Variants in LCORL observed in about 807,000 individuals in gnomAD.
LCORL encodes the protein ligand-dependent nuclear receptor corepressor-like protein.
In LCORL, 41 loss-of-function variants were observed where a neutral mutation model predicts 141.8. The ratio of observed to expected loss-of-function variants is 0.29; its 90% CI spans 0.23 to 0.38. LCORL has a LOEUF of 0.38. LCORL is among the 10% of genes least tolerant of loss of function. LCORL has a pLI of 1.00. For synonymous variants in LCORL, 618 were observed against 694.1 expected, an observed-to-expected ratio of 0.89 and a Z score of 1.72; for missense variants, 1,759 against 2,035.0, an observed-to-expected ratio of 0.86 and a Z score of 2.61.
intron 4 of LCORL, among the ~76,000 whole-genome samples, chr4:17,932,851 C>T (rs1296202368): frequency 6.6e-6 from 1 of 152,200 alleles, no homozygotes; most frequent in Non-Finnish European, 1.5e-5. Context: ...TTGCTGACTA[C>T]AGCTCCAGTA....
At position 17,931,226 on chromosome 4, in the gene LCORL, A is replaced by G. The variant is rs192841930; in HGVS notation, c.431-21881T>C. Among the ~76,000 whole-genome samples the G allele has an allele frequency of 8.5e-4, 129 of 152,142 alleles. 1 individual carries two copies. The East Asian group carries it at 0.023, about 27-fold the overall frequency. ...CCTCCTCCCACCTCTACCACCACCA[A>G]TTAGGTTAACTAGTGGTCTATTTTG... On this transcript the variant is annotated intron_variant, in intron 4 of 7. Transcript: ENST00000635767.
intron 1 of LCORL, among the ~76,000 whole-genome samples, chr4:17,999,753 T>C (rs1177618839): frequency 6.6e-6 from 1 of 152,146 alleles, no homozygotes; most frequent in East Asian, 1.9e-4. Context: ...AGGTGGGAAG[T>C]AGGGGAAGAA....
intron 1 of LCORL, among the ~76,000 whole-genome samples, chr4:18,003,810 C>G (rs1722363320): frequency 2.0e-5 from 3 of 152,146 alleles, no homozygotes; most frequent in Admixed American, 1.3e-4. Context: ...GTAACTTTTC[C>G]AAATAACATT....
intron 4 of LCORL, among the ~76,000 whole-genome samples, chr4:17,958,352 G>C (rs1713094738): frequency 6.6e-6 from 1 of 151,710 alleles, no homozygotes; most frequent in Non-Finnish European, 1.5e-5. Context: ...ATAGCAGTAT[G>C]ATTCGTTCAG....
Position 17,884,203 on chromosome 4 carries a change from G to A in LCORL, c.776+1865C>T. The A allele has an allele frequency of 1.1e-5, 17 of 1,549,658 alleles. No homozygotes were observed. The highest frequency in any genetic ancestry group is 1.5e-5 in the Non-Finnish European group (17 of 1,146,014). On this transcript the variant is annotated intron_variant, in intron 6 of 7. Transcript: ENST00000635767. This position sits in a 1 kb window ranked among gnomAD's most constrained non-coding sequence, Gnocchi z 4.4. ...GAGCTGATCCTTCTAGGACTGAAGA[G>A]GTTTTGGAAACTTGATACATAACAT... is the stretch of plus-strand genomic sequence containing the variant.
chr4:17,881,027 T>C, intron 6 of LCORL: 2 of 981,866 alleles, frequency 2.0e-6, no homozygotes, highest in Non-Finnish European at 2.4e-6. Flanking sequence ...TGTAAACAAC[T>C]AAAAAAATCA....
chr4:17,876,921 G>A, exon 7 of LCORL: 10 of 1,230,674 alleles, frequency 8.1e-6, no homozygotes, highest in Non-Finnish European at 9.1e-6. Context: ...TGAAAATGAT[G>A]TTTCAGCATG....
Position 17,884,383 on chromosome 4 carries a change from G to A in LCORL, c.776+1685C>T, listed in dbSNP as rs1004633769. The A allele has an allele frequency of 2.6e-6, 4 of 1,547,804 alleles. No homozygotes were observed. The Admixed American group carries it at 6.0e-5, about 23-fold the overall frequency. ...CCATTTTCTGTAGAGTTAGCTGATGGAGGTAAGTGGAAGCTGTTGGGAATT... is the reference window on the plus strand; with the variant it reads ...CCATTTTCTGTAGAGTTAGCTGATGAAGGTAAGTGGAAGCTGTTGGGAATT... On this transcript the variant is annotated intron_variant, in intron 6 of 7. Transcript: ENST00000635767. The surrounding 1 kb of genome is among the most constrained non-coding windows in gnomAD (Gnocchi z 4.4).
At chr4:18,006,429 C>T (rs1214435199) in intron 1 of LCORL, among the ~76,000 whole-genome samples, 1 of 152,196 alleles carries the variant, frequency 6.6e-6, no homozygotes, top group Admixed American at 6.5e-5. Flanking sequence ...TCCAAAGTCA[C>T]TTCCACATTT....
At chr4:17,858,765 A>G (rs1231036353) in intron 7 of LCORL, among the ~76,000 whole-genome samples, 1 of 149,412 alleles carries the variant, frequency 6.7e-6, no homozygotes, top group Non-Finnish European at 1.5e-5. Context: ...ATAGCTAAAA[A>G]ATGTCTAAAT....
intron 4 of LCORL, among the ~76,000 whole-genome samples, chr4:17,945,157 G>C (rs1315341036): frequency 1.3e-5 from 2 of 151,966 alleles, no homozygotes; most frequent in Non-Finnish European, 2.9e-5. Flanking sequence ...TTAGAGATAA[G>C]GGTAATTCTT....
intron 4 of LCORL, among the ~76,000 whole-genome samples, chr4:17,930,676 T>C (rs1291241884): frequency 1.3e-5 from 2 of 152,200 alleles, no homozygotes; most frequent in East Asian, 1.9e-4. Context: ...TTTCTTAATG[T>C]AGCATAGGAT....
chr4:17,891,281 G>A (rs770932805), intron 5 of LCORL, among the ~76,000 whole-genome samples: 2 of 151,978 alleles, frequency 1.3e-5, no homozygotes, highest in South Asian at 2.1e-4. Flanking sequence ...AGGCTGAGAC[G>A]GAAGAATTAC....
intron 4 of LCORL, among the ~76,000 whole-genome samples, chr4:17,937,397 T>A (rs1737040450): frequency 6.6e-6 from 1 of 152,136 alleles, no homozygotes; most frequent in Non-Finnish European, 1.5e-5. Flanking sequence ...CATCAAAACC[T>A]GGTAATCCCT....
intron 4 of LCORL, among the ~76,000 whole-genome samples, chr4:17,929,038 T>C (rs548892868): frequency 6.6e-6 from 1 of 152,198 alleles, no homozygotes; most frequent in Non-Finnish European, 1.5e-5. Flanking sequence ...TTTTAAAAAA[T>C]CACATTTACT....
intron 4 of LCORL, among the ~76,000 whole-genome samples, chr4:17,953,856 G>A (rs937183168): frequency 1.3e-5 from 2 of 151,968 alleles, no homozygotes; most frequent in African/African-American, 4.8e-5. Flanking sequence ...AGAGGAGTAA[G>A]GGAGAGTTTA....
At chr4:17,874,110 T>G in exon 7 of LCORL, 1 of 1,220,640 alleles carries the variant, frequency 8.2e-7, no homozygotes, top group Non-Finnish European at 1.0e-6. Flanking sequence ...AAATCTTAAG[T>G]TTCTCCTTTT....
chr4:17,919,617 A>G (rs1490183787), intron 4 of LCORL, among the ~76,000 whole-genome samples: 2 of 152,232 alleles, frequency 1.3e-5, no homozygotes, highest in African/African-American at 2.4e-5. Flanking sequence ...CACTATGTCT[A>G]AAGAAGTACC....
intron 5 of LCORL, among the ~76,000 whole-genome samples, chr4:17,902,066 CT>C (rs1227784732): frequency 2.0e-5 from 3 of 151,882 alleles, no homozygotes; most frequent in Non-Finnish European, 2.9e-5. Flanking sequence ...TAGAAGGTAG[CT>C]TTTTTGTCAG....
Sources: allele counts gnomAD v4.1 joint callset (sites outside exome capture counted in the v4.1 genomes callset), GRCh38; gene constraint gnomAD v4.1.1; non-coding constraint Gnocchi (gnomAD v3.1); transcripts MANE v1.5; gene names NCBI Gene and HGNC (gene_info 2026-07-23, HGNC 2026-07-21).